GSTCD: variants seen among roughly 807,000 people sequenced by gnomAD.
GSTCD encodes the protein glutathione S-transferase C-terminal domain containing, also known as glutathione S-transferase C-terminal domain-containing protein.
In GSTCD, 44 loss-of-function variants were observed where a neutral mutation model predicts 68.3. That is an observed-to-expected ratio of 0.64 (90% CI 0.51 to 0.83). The LOEUF (loss-of-function observed/expected upper bound fraction) is 0.83. GSTCD is among the 40% of genes least tolerant of loss of function. GSTCD has a pLI of 0.00. For synonymous variants in GSTCD, 273 were observed against 255.2 expected (o/e 1.07, Z -0.67); for missense variants, 739 against 735.9 (o/e 1.00, Z -0.05).
intron 5 of GSTCD, among the ~76,000 whole-genome samples, chr4:105,747,771 G>A (rs1733854429): frequency 6.6e-6 from 1 of 151,532 alleles, no homozygotes; most frequent in South Asian, 2.1e-4. Context: ...TTTATTTTTT[G>A]TAAAATACTC....
chr4:105,786,026 C>T (rs887266866), intron 5 of GSTCD, among the ~76,000 whole-genome samples: 4 of 152,186 alleles, frequency 2.6e-5, no homozygotes, highest in African/African-American at 2.4e-5. Flanking sequence ...ATAACCCTTA[C>T]ATTACATCAT....
At chr4:105,731,399 T>G (rs1276625355) in intron 5 of GSTCD, among the ~76,000 whole-genome samples, 1 of 152,232 alleles carries the variant, frequency 6.6e-6, no homozygotes, top group Non-Finnish European at 1.5e-5. Flanking sequence ...TGTCCTCTTT[T>G]ATTTCATTGA....
intron 8 of GSTCD, among the ~76,000 whole-genome samples, chr4:105,834,097 G>A (rs1724013709): frequency 6.6e-6 from 1 of 152,134 alleles, no homozygotes; most frequent in African/African-American, 2.4e-5. Context: ...ATTTATAGTT[G>A]AAGAGATTAA....
chr4:105,782,400 A>G (rs11734571), intron 5 of GSTCD, among the ~76,000 whole-genome samples: 8,177 of 152,166 alleles, frequency 0.054, 248 homozygotes, highest in Middle Eastern at 0.14. Flanking sequence ...GCTGAGGCAG[A>G]AGGATCTGTT....
At chr4:105,762,930 T>C (rs1241169622) in intron 5 of GSTCD, among the ~76,000 whole-genome samples, 2 of 152,308 alleles carry the variant, frequency 1.3e-5, no homozygotes, top group Non-Finnish European at 2.9e-5. Flanking sequence ...ACAATGTATC[T>C]CACTTAAAAA....
intron 5 of GSTCD, chr4:105,746,097 C>A (rs774556893): frequency 1.3e-5 from 2 of 152,120 alleles, no homozygotes; most frequent in Non-Finnish European, 2.9e-5. Flanking sequence ...AGTTGAAAAT[C>A]TGCATATAAC....
chr4:105,796,263 G>A (rs1007361835), intron 5 of GSTCD, among the ~76,000 whole-genome samples: 5 of 152,194 alleles, frequency 3.3e-5, no homozygotes, highest in Non-Finnish European at 7.3e-5. Context: ...GATCTCGTGA[G>A]ATTTATTCAC....
intron 5 of GSTCD, among the ~76,000 whole-genome samples, chr4:105,786,431 G>A (rs1203079483): frequency 2.6e-5 from 4 of 151,808 alleles, no homozygotes; most frequent in Non-Finnish European, 5.9e-5. Flanking sequence ...AGAATCGCTT[G>A]GACGCCAGAG....
At position 105,842,122 on chromosome 4, in the gene GSTCD, C is replaced by A; in HGVS notation, c.1753C>A (p.Arg585=). Residue 585 remains arginine, a synonymous_variant, in exon 11 of 12, where the codon CGA becomes AGA. Transcript: ENST00000515279. ...GACAGCTGTCCAGCTCCCACCCCAA[C>A]GAAGGCTCATAGGTATGTGTTTTCA... ...DQTAVQLPPQ[R]RLIGKQCMCL... 2 of 1,613,554 alleles carry A rather than the reference C, an allele frequency of 1.2e-6. No individual in the cohort carries two copies. The highest frequency in any genetic ancestry group is 1.7e-6 in the Non-Finnish European group (2 of 1,179,528).
chr4:105,727,487 T>C (rs915498813), intron 4 of GSTCD, among the ~76,000 whole-genome samples: 2 of 150,250 alleles, frequency 1.3e-5, no homozygotes, highest in Non-Finnish European at 3.0e-5. Context: ...ATTGTACCGC[T>C]GTACTCCAGC....
At chr4:105,714,586 T>G (rs1463711241) in intron 1 of GSTCD, among the ~76,000 whole-genome samples, 4 of 151,854 alleles carry the variant, frequency 2.6e-5, no homozygotes, top group Admixed American at 6.6e-5. Flanking sequence ...TTAATATTTA[T>G]TTTAAAAATT....
chr4:105,709,365 A>G (rs1204754651), intron 1 of GSTCD, among the ~76,000 whole-genome samples: 1 of 152,098 alleles, frequency 6.6e-6, no homozygotes, highest in African/African-American at 2.4e-5. Flanking sequence ...TGTTACTTCA[A>G]GACCTCTTGG....
At chr4:105,762,221 A>G (rs1261895508) in intron 5 of GSTCD, among the ~76,000 whole-genome samples, 3 of 152,240 alleles carry the variant, frequency 2.0e-5, no homozygotes, top group Admixed American at 1.3e-4. Flanking sequence ...AAGGAGGCAT[A>G]TGAGTGGCAG....
At chr4:105,767,745 A>G (rs1734675414) in intron 5 of GSTCD, among the ~76,000 whole-genome samples, 1 of 152,146 alleles carries the variant, frequency 6.6e-6, no homozygotes, top group Non-Finnish European at 1.5e-5. Context: ...AGAATGAACT[A>G]TATTGAAAGA....
rs557663914 is a variant in GSTCD at position 105,719,677 on chromosome 4, T to A, written c.894+150T>A. ...CATTTTCTTATCTGTAAAATGGTGA[T>A]AATAATAGTACCTATCTAAAAGGAA... On this transcript the variant is annotated intron_variant, in intron 3 of 11. Coordinates refer to ENST00000515279, the MANE Select transcript of GSTCD (RefSeq NM_001370181.1). 1.2e-4 allele frequency: 73 copies of A among 628,546 alleles called. No homozygotes were observed. In the South Asian group the frequency reaches 1.2e-3, roughly 10 times the overall value. 38.9% of individuals were successfully genotyped at this position (628,546 alleles called of 1,614,324 possible).
intron 1 of GSTCD, 128 bp from the exon 2 acceptor site, chr4:105,717,465 C>A: frequency 6.7e-6 from 4 of 599,678 alleles, no homozygotes; most frequent in Non-Finnish European, 1.1e-5. Flanking sequence ...AGAAACAAAC[C>A]TTATAGCATT....
At chr4:105,728,222 G>A (rs942543735) in intron 4 of GSTCD, among the ~76,000 whole-genome samples, 1 of 152,146 alleles carries the variant, frequency 6.6e-6, no homozygotes, top group Non-Finnish European at 1.5e-5. Context: ...TAGTGGCAAT[G>A]ATTGAACAAT....
intron 5 of GSTCD, among the ~76,000 whole-genome samples, chr4:105,735,856 C>T (rs1252097432): frequency 6.6e-6 from 1 of 152,012 alleles, no homozygotes; most frequent in African/African-American, 2.4e-5. Context: ...AAAAAAATTC[C>T]AGGTAACATG....
At chr4:105,743,351 C>T (rs986097408) in intron 5 of GSTCD, among the ~76,000 whole-genome samples, 3 of 151,980 alleles carry the variant, frequency 2.0e-5, no homozygotes, top group East Asian at 3.9e-4. Flanking sequence ...GTGAACTCTT[C>T]GAATGTAGGA....
Sources: gnomAD v4.1 joint callset for allele counts (sites outside exome capture counted in the v4.1 genomes callset) on GRCh38, gnomAD v4.1.1 for gene constraint, MANE v1.5 for transcripts, NCBI Gene and HGNC (gene_info 2026-07-23, HGNC 2026-07-21) for gene names.